ITGA11: variants seen among roughly 807,000 people sequenced by gnomAD.
The protein encoded by ITGA11 is integrin subunit alpha 11.
Under a neutral mutation model 141.9 loss-of-function variants are expected in ITGA11, and 97 were observed. The observed-to-expected ratio is 0.68, with a 90% CI of 0.58 to 0.81. The LOEUF (loss-of-function observed/expected upper bound fraction) is 0.81. Ranked by LOEUF, ITGA11 falls within the 30% of genes least tolerant of loss-of-function variation. The pLI, the probability that ITGA11 is intolerant of heterozygous loss-of-function variation, is 0.00. For missense variants in ITGA11, 1,387 were observed against 1,559.2 expected, an observed-to-expected ratio of 0.89 and a Z score of 1.86; for synonymous variants, 658 against 624.6, an observed-to-expected ratio of 1.05 and a Z score of -0.80.
chr15:68,330,920 C>G, intron 15 of ITGA11, 61 bp downstream of exon 15: 1 of 1,603,018 alleles, frequency 6.2e-7, no homozygotes, highest in Non-Finnish European at 8.5e-7. Context: ...ATCTTTAAAA[C>G]CCCTGGATTC....
intron 20 of ITGA11, among the ~76,000 whole-genome samples, chr15:68,318,214 G>A (rs1194256421): frequency 3.3e-5 from 5 of 152,062 alleles, no homozygotes; most frequent in African/African-American, 9.7e-5. Flanking sequence ...CACCTGCTAT[G>A]TGTGGGGACA....
chr15:68,330,523 G>A (rs1232933387), intron 15 of ITGA11, among the ~76,000 whole-genome samples: 1 of 149,350 alleles, frequency 6.7e-6, no homozygotes, highest in South Asian at 2.1e-4. Context: ...GCAAACATAC[G>A]GTAAAATAAA....
chr15:68,338,906 A>G (rs1287132756), intron 11 of ITGA11, among the ~76,000 whole-genome samples: 6 of 152,148 alleles, frequency 3.9e-5, no homozygotes, highest in Non-Finnish European at 8.8e-5. Flanking sequence ...GAAAGGAACA[A>G]GCCATGGCGA....
chr15:68,348,792 CAG>C lies in ITGA11; in HGVS notation c.1131+36_1131+37del, dbSNP rs1239062058. On this transcript the variant is annotated intron_variant, in intron 10 of 29. Coordinates refer to ENST00000315757, the MANE Select transcript of ITGA11 (RefSeq NM_001004439.2). ...AGGGGAAGAGCATGCCCTCGAGAGA[CAG>C]AGGCTGGGCTCTGTGCCCGTACCTC... 11 of 1,566,230 alleles carry C rather than the reference CAG, an allele frequency of 7.0e-6. No homozygotes were observed. In the African/African-American group the frequency reaches 8.1e-5, roughly 12 times the overall value.
At chr15:68,431,446 C>T (rs1384449548) in intron 1 of ITGA11, among the ~76,000 whole-genome samples, 2 of 152,246 alleles carry the variant, frequency 1.3e-5, no homozygotes, top group Admixed American at 1.3e-4. Context: ...GAGCTAGCCC[C>T]CGCCTACCGG....
chr15:68,328,033 T>C lies in ITGA11; in HGVS notation c.2068+63A>G, dbSNP rs926373565. On this transcript the variant is annotated intron_variant, in intron 16 of 29. Coordinates refer to ENST00000315757, the MANE Select transcript of ITGA11 (RefSeq NM_001004439.2). This position sits in a 1 kb window ranked among gnomAD's most constrained non-coding sequence, Gnocchi z 4.8. ...TTTGGGAAAAGCCCAGGCTTTGAAATAGAGCAAGGTGCAGGGGGAGACTGG... is the reference window on the plus strand; with the variant it reads ...TTTGGGAAAAGCCCAGGCTTTGAAACAGAGCAAGGTGCAGGGGGAGACTGG... 6.7e-7 allele frequency: 1 copy of C among 1,495,634 alleles called. No homozygotes were observed. Among genetic ancestry groups the C allele is most frequent in the Non-Finnish European group, 9.0e-7 (1 of 1,109,118 alleles). 92.6% of individuals were successfully genotyped at this position (1,495,634 alleles called of 1,614,324 possible).
intron 2 of ITGA11, among the ~76,000 whole-genome samples, chr15:68,374,942 T>C (rs1458552405): frequency 6.6e-6 from 1 of 152,222 alleles, no homozygotes; most frequent in Non-Finnish European, 1.5e-5. Flanking sequence ...CAGGACAGCT[T>C]TGGGGCTGGC....
chr15:68,369,111 G>T, intron 3 of ITGA11, 73 bp downstream of exon 3: 2 of 1,016,870 alleles, frequency 2.0e-6, no homozygotes, highest in South Asian at 1.3e-5. Flanking sequence ...CATGGACATG[G>T]GCGTGCATCA....
chr15:68,373,064 G>C (rs967567), intron 2 of ITGA11, among the ~76,000 whole-genome samples: 123,853 of 152,132 alleles, frequency 0.81, 50,666 homozygotes, highest in East Asian at 1. Flanking sequence ...TTTCTGTACT[G>C]CAGTATACAG....
chr15:68,335,524 T>A lies in ITGA11; in HGVS notation c.1425+173A>T, dbSNP rs1894319205. 6.6e-6 allele frequency among the ~76,000 whole-genome samples: 1 copy of A among 152,170 alleles called. No individual in the cohort carries two copies. The highest frequency in any genetic ancestry group is 2.1e-4 in the South Asian group (1 of 4,828). On this transcript the variant is annotated intron_variant, in intron 12 of 29. Transcript: ENST00000315757. The surrounding 1 kb of genome is among the most constrained non-coding windows in gnomAD (Gnocchi z 4.9). ...GCATCCTGGAGGGCCCATGGGGCCT[T>A]CTGTAGGTGGATGCGCACTCCTGCC...
At chr15:68,384,164 G>GCTCCATCT (rs1309800942) in intron 2 of ITGA11, among the ~76,000 whole-genome samples, 12 of 151,666 alleles carry the variant, frequency 7.9e-5, no homozygotes, top group African/African-American at 2.4e-4. Context: ...GCTGAGATTA[G>GCTCCATCT]CTCCATCTCT....
chr15:68,332,305 C>T (rs1894200097), intron 13 of ITGA11, 33 bp downstream of exon 13: 1 of 1,583,942 alleles, frequency 6.3e-7, no homozygotes, highest in Non-Finnish European at 8.6e-7. Flanking sequence ...TTGGGGGCAC[C>T]TGAGAAGCTG....
intron 2 of ITGA11, among the ~76,000 whole-genome samples, chr15:68,376,222 T>C (rs8039820): frequency 0.015 from 1,204 of 81,724 alleles, 22 homozygotes; most frequent in African/African-American, 0.045. Flanking sequence ...CTCATTGTTC[T>C]CCTCTCTTTT....
In ITGA11 at chr15:68,317,369, G is replaced by C. The variant is rs751528231; in HGVS notation, c.2617-6C>G. The C allele has an allele frequency of 3.1e-6, 5 of 1,604,138 alleles. No individual in the cohort carries two copies. The African/African-American group carries it at 6.7e-5, about 21-fold the overall frequency. On this transcript the variant is annotated splice_region_variant and splice_polypyrimidine_tract_variant and intron_variant, in intron 20 of 29. Transcript: ENST00000315757. ...ATGCTACCGTCTGAGTCCTCCTGGA[G>C]GTGGGTGGCAGACATCATGGCAGCA...
intron 9 of ITGA11, 111 bp downstream of exon 9, chr15:68,350,506 G>A (rs997891843): frequency 6.0e-5 from 63 of 1,047,052 alleles, no homozygotes; most frequent in South Asian, 1.6e-4. Context: ...TTATTATTAC[G>A]GAAGACTCTT....
At position 68,335,807 on chromosome 15, in the gene ITGA11, G is replaced by A. The variant is rs764516782; in HGVS notation, c.1315C>T (p.Arg439Trp). Residue 439 changes from arginine to tryptophan, a missense_variant, in exon 12 of 30, where the codon CGG becomes TGG. Arg to Trp is a moderately radical substitution (Grantham distance 101). Transcript: ENST00000315757. This position sits in a 1 kb window ranked among gnomAD's most constrained non-coding sequence, Gnocchi z 4.9. ...CGGGGGGCTCCGGCCACGTACACCC[G>A]CCCCTGCCTGGAGGACACGACCGAT... Reference protein sequence around the residue: ...VTSVVSSRQGRVYVAGAPRFN... With the variant: ...VTSVVSSRQGWVYVAGAPRFN... The A allele has an allele frequency of 8.6e-5, 138 of 1,613,098 alleles. No individual in the cohort carries two copies. The highest frequency in any genetic ancestry group is 1.1e-4 in the Non-Finnish European group (132 of 1,179,588).
At chr15:68,375,525 A>G (rs963801740) in intron 2 of ITGA11, among the ~76,000 whole-genome samples, 1 of 151,298 alleles carries the variant, frequency 6.6e-6, no homozygotes, top group Non-Finnish European at 1.5e-5. Flanking sequence ...GTGTAGATGG[A>G]GAATCTGGCC....
At chr15:68,362,045 T>C in intron 4 of ITGA11, 1 of 238,048 alleles carries the variant, frequency 4.2e-6, no homozygotes, top group African/African-American at 2.3e-5. Flanking sequence ...TGGGGAAGCC[T>C]TTTCACCCAC....
At chr15:68,409,480 GGTACTGATAGGTA>G (rs1896720628) in intron 1 of ITGA11, among the ~76,000 whole-genome samples, 1 of 151,822 alleles carries the variant, frequency 6.6e-6, no homozygotes, top group Non-Finnish European at 1.5e-5. Flanking sequence ...ACTGATAGTA[GGTACTGATAGGTA>G]GTACTGATAC....
Sources: gnomAD v4.1 joint callset for allele counts (sites outside exome capture counted in the v4.1 genomes callset) on GRCh38, gnomAD v4.1.1 for gene constraint, Gnocchi (gnomAD v3.1) non-coding constraint, MANE v1.5 for transcripts, NCBI Gene and HGNC (gene_info 2026-07-23, HGNC 2026-07-21) for gene names.